The following HERC2 variants were observed in gnomAD, a reference collection of about 807,000 sequenced individuals.
HERC2 encodes E3 ubiquitin-protein ligase HERC2.
In HERC2, 102 loss-of-function variants were observed where a neutral mutation model predicts 537.7. The observed-to-expected ratio is 0.19, with a 90% CI of 0.16 to 0.22. The LOEUF (loss-of-function observed/expected upper bound fraction) is 0.22. Among genes scored for constraint, HERC2 ranks in the 10% least tolerant of loss-of-function variants. HERC2 has a pLI of 1.00. For synonymous variants in HERC2, 2,224 were observed against 2,466.2 expected, an observed-to-expected ratio of 0.90 and a Z score of 2.91; for missense variants, 4,236 against 6,198.2, an observed-to-expected ratio of 0.68 and a Z score of 10.63.
At chr15:28,194,549 G>T (rs1342234367) in intron 52 of HERC2, among the ~76,000 whole-genome samples, 3 of 151,594 alleles carry the variant, frequency 2.0e-5, no homozygotes, top group Non-Finnish European at 4.4e-5. Context: ...TCCAGCCTGG[G>T]CGACAGAGCG....
At chr15:28,115,664 C>T (rs1028974616) in intron 88 of HERC2, 123 bp from the exon 89 acceptor site, 1 of 668,628 alleles carries the variant, frequency 1.5e-6, no homozygotes, top group Middle Eastern at 2.5e-4. Flanking sequence ...GAAGCAGCAA[C>T]ACCCACATCA....
chr15:28,197,968 A>G (rs1897511920), intron 50 of HERC2, among the ~76,000 whole-genome samples: 2 of 152,208 alleles, frequency 1.3e-5, no homozygotes, highest in South Asian at 4.1e-4. Context: ...GGTGATATGA[A>G]TGACTACTTC....
chr15:28,269,270 TG>T lies in HERC2; in HGVS notation c.1423del (p.Gln475ArgfsTer22). 1 of 1,613,794 alleles carries T rather than the reference TG, an allele frequency of 6.2e-7. No individual in the cohort carries two copies. Among genetic ancestry groups the T allele is most frequent in the East Asian group, 2.2e-5 (1 of 44,880 alleles). On this transcript the variant is annotated frameshift_variant, in exon 11 of 93. Coordinates refer to ENST00000261609, the MANE Select transcript of HERC2 (RefSeq NM_004667.6). LOFTEE classifies it high-confidence loss of function. ...CACCAGCGTGTCACTATTATAGGCCTGTGTGTACACGCGGCCATTGCGTGAC... is the reference window on the plus strand; with the variant it reads ...CACCAGCGTGTCACTATTATAGGCCTTGTGTACACGCGGCCATTGCGTGAC... ...ILSRNGRVYTQAYNSDTLAPQ... is the reference protein window; with the variant it reads ...ILSRNGRVYTXAYNSDTLAPQ...
chr15:28,202,281 T>G (rs929655766), intron 46 of HERC2, 32 bp from the exon 47 acceptor site: 5 of 1,612,740 alleles, frequency 3.1e-6, no homozygotes, highest in Non-Finnish European at 3.4e-6. Context: ...CAGCAGCCAC[T>G]GTGAGTCAAC....
chr15:28,180,987 G>T (rs146002368), intron 57 of HERC2, among the ~76,000 whole-genome samples: 3 of 152,170 alleles, frequency 2.0e-5, no homozygotes, highest in Non-Finnish European at 2.9e-5. Context: ...CACGGATACT[G>T]AGGGATGACT....
intron 26 of HERC2, among the ~76,000 whole-genome samples, chr15:28,236,494 T>C (rs1902473244): frequency 6.6e-6 from 1 of 152,050 alleles, no homozygotes; most frequent in African/African-American, 2.4e-5. Context: ...TTTCACCACA[T>C]TGGCCAGGCT....
chr15:28,228,475 G>C (rs1442231996), intron 34 of HERC2, 66 bp from the exon 35 acceptor site: 1 of 1,440,674 alleles, frequency 6.9e-7, no homozygotes. Context: ...AACGCAGAAA[G>C]CACGGGCGAT....
In HERC2 at chr15:28,265,752, G is replaced by A. The variant is rs761165110; in HGVS notation, c.1757-21C>T. On this transcript the variant is annotated intron_variant, in intron 13 of 92. Coordinates refer to ENST00000261609, the MANE Select transcript of HERC2 (RefSeq NM_004667.6). This position sits in a 1 kb window ranked among gnomAD's most constrained non-coding sequence, Gnocchi z 4.0. ...GGAGCCTTCAAACAGATAGGACGGCGGTTACTAAGTCCTGTAAGAGGCCAC... is the reference window on the plus strand; with the variant it reads ...GGAGCCTTCAAACAGATAGGACGGCAGTTACTAAGTCCTGTAAGAGGCCAC... 245 of 1,613,786 alleles carry A rather than the reference G, an allele frequency of 1.5e-4. No individual in the cohort carries two copies. Among genetic ancestry groups the A allele is most frequent in the African/African-American group, 4.0e-4 (30 of 74,922 alleles).
chr15:28,246,998 C>T (rs2140809859), intron 21 of HERC2, 101 bp from the exon 22 acceptor site: 2 of 1,020,534 alleles, frequency 2.0e-6, no homozygotes, highest in Non-Finnish European at 2.9e-6. Context: ...ACATCTTTTA[C>T]CCATAATAAT....
At chr15:28,228,656 G>A (rs998347760) in intron 34 of HERC2, among the ~76,000 whole-genome samples, 1 of 152,216 alleles carries the variant, frequency 6.6e-6, no homozygotes. Flanking sequence ...AATGCAGAAA[G>A]CACGGGCAAT....
chr15:28,317,653 G>A (rs2077125212), intron 2 of HERC2, among the ~76,000 whole-genome samples: 1 of 152,216 alleles, frequency 6.6e-6, no homozygotes, highest in African/African-American at 2.4e-5. Context: ...TAGAGATGGT[G>A]GCAGAAGAGA....
intron 35 of HERC2, among the ~76,000 whole-genome samples, chr15:28,227,078 C>A (rs1202087760): frequency 6.6e-6 from 1 of 152,146 alleles, no homozygotes; most frequent in African/African-American, 2.4e-5. Context: ...AGTTCCAGAC[C>A]AGCCTGGCCA....
intron 1 of HERC2, 136 bp from the exon 2 acceptor site, chr15:28,321,600 A>G (rs2077231394): frequency 1.2e-5 from 5 of 406,580 alleles, no homozygotes; most frequent in Non-Finnish European, 2.1e-5. Flanking sequence ...AGAGAAGGGG[A>G]GAGAGGGAAA....
Position 28,111,654 on chromosome 15 carries a change from C to G in HERC2, c.*109G>C, listed in dbSNP as rs967798485. 4.1e-6 allele frequency: 5 copies of G among 1,212,700 alleles called. No homozygotes were observed. Among genetic ancestry groups the G allele is most frequent in the South Asian group, 1.5e-5 (1 of 68,708 alleles). 75.1% of individuals were successfully genotyped at this position (1,212,700 alleles called of 1,614,324 possible). ...CTCCACTCCCTCCTCCCGCCTGGCT[C>G]GAGGACGGACGCTTCTCATCAGACA... On this transcript the variant is annotated 3_prime_UTR_variant, in exon 93 of 93. Coordinates refer to ENST00000261609, the MANE Select transcript of HERC2 (RefSeq NM_004667.6).
At chr15:28,150,097 T>G (rs1462454753) in intron 70 of HERC2, among the ~76,000 whole-genome samples, 1 of 149,922 alleles carries the variant, frequency 6.7e-6, no homozygotes, top group African/African-American at 2.5e-5. Flanking sequence ...CTAGTAAAAT[T>G]ACCGAAAAAC....
Position 28,229,608 on chromosome 15 carries a change from C to T in HERC2, c.4984-12G>A. 6.2e-7 allele frequency: 1 copy of T among 1,604,480 alleles called. No homozygotes were observed. Among genetic ancestry groups the T allele is most frequent in the Non-Finnish European group, 8.5e-7 (1 of 1,172,798 alleles). On this transcript the variant is annotated splice_polypyrimidine_tract_variant and intron_variant, in intron 32 of 92. Coordinates refer to ENST00000261609, the MANE Select transcript of HERC2 (RefSeq NM_004667.6). ...TCTGCTCTCTCCAACTGCAAAATAT[C>T]AATGCATACAGTTAAGTGTTATGTA...
intron 16 of HERC2, among the ~76,000 whole-genome samples, chr15:28,258,620 A>G (rs1025129455): frequency 6.4e-5 from 9 of 140,912 alleles, no homozygotes; most frequent in African/African-American, 2.8e-4. Context: ...GCATCAAATC[A>G]TTATCTATTA....
chr15:28,124,311 C>A, intron 84 of HERC2, 77 bp from the exon 85 acceptor site: 1 of 1,004,284 alleles, frequency 1.0e-6, no homozygotes, highest in South Asian at 2.5e-5. Flanking sequence ...ATTAAGGATT[C>A]TGAAAACAAT....
chr15:28,223,096 T>C (rs779931992), intron 35 of HERC2, among the ~76,000 whole-genome samples: 35 of 152,298 alleles, frequency 2.3e-4, no homozygotes, highest in Middle Eastern at 3.4e-3. Context: ...GGGGTGGTCT[T>C]GGAGACCCCT....
Sources: gnomAD v4.1 joint callset for allele counts (sites outside exome capture counted in the v4.1 genomes callset) on GRCh38, gnomAD v4.1.1 for gene constraint, Gnocchi (gnomAD v3.1) non-coding constraint, MANE v1.5 for transcripts, NCBI Gene and HGNC (gene_info 2026-07-23, HGNC 2026-07-21) for gene names.